The following L3MBTL4 variants were observed in gnomAD, a reference collection of about 807,000 sequenced individuals.
L3MBTL4 encodes the protein L3MBTL histone methyl-lysine binding protein 4.
Under a neutral mutation model 84.5 loss-of-function variants are expected in L3MBTL4, and 70 were observed. That is an observed-to-expected ratio of 0.83 (90% CI 0.68 to 1.01). The LOEUF (loss-of-function observed/expected upper bound fraction) is 1.01, where lower values mean the gene tolerates loss of function less well. Ranked by LOEUF, L3MBTL4 falls within the 50% of genes least tolerant of loss-of-function variation. L3MBTL4 has a pLI of 0.00. For synonymous variants in L3MBTL4, 274 were observed against 259.8 expected (o/e 1.05, Z -0.52); for missense variants, 715 against 754.8 (o/e 0.95, Z 0.62).
chr18:6,238,271 C>T (rs570571426), intron 9 of L3MBTL4, among the ~76,000 whole-genome samples: 51 of 152,332 alleles, frequency 3.3e-4, no homozygotes, highest in African/African-American at 1.1e-3. Context: ...CGGTGGCTCA[C>T]GCCTGTAATC....
chr18:6,347,968 C>CA (rs1392774575), intron 1 of L3MBTL4, among the ~76,000 whole-genome samples: 1 of 151,898 alleles, frequency 6.6e-6, no homozygotes, highest in African/African-American at 2.4e-5. Context: ...TTAATAAATA[C>CA]AAGATCCATA....
At chr18:6,323,878 G>A (rs987159983) in intron 1 of L3MBTL4, among the ~76,000 whole-genome samples, 4 of 152,190 alleles carry the variant, frequency 2.6e-5, no homozygotes, top group African/African-American at 9.6e-5. Flanking sequence ...AAGACAATAG[G>A]GAAAAGGCCC....
intron 14 of L3MBTL4, among the ~76,000 whole-genome samples, chr18:6,128,977 A>T (rs1412997147): frequency 1.3e-5 from 2 of 152,062 alleles, no homozygotes; most frequent in African/African-American, 4.8e-5. Flanking sequence ...TTTAGGTCAC[A>T]TTGTGATACA....
At chr18:5,967,101 C>T (rs1035509495) in intron 17 of L3MBTL4, among the ~76,000 whole-genome samples, 1 of 152,174 alleles carries the variant, frequency 6.6e-6, no homozygotes, top group Non-Finnish European at 1.5e-5. Context: ...AGTGACTTTC[C>T]GCATAAGAAC....
intron 13 of L3MBTL4, among the ~76,000 whole-genome samples, chr18:6,141,883 C>T (rs939014261): frequency 1.8e-4 from 27 of 152,144 alleles, no homozygotes; most frequent in Non-Finnish European, 3.2e-4. Flanking sequence ...GATGAAAACT[C>T]GAATTTTTAC....
chr18:6,317,327 G>C (rs1156890142), intron 1 of L3MBTL4, among the ~76,000 whole-genome samples: 4 of 151,680 alleles, frequency 2.6e-5, no homozygotes, highest in Middle Eastern at 3.4e-3. Flanking sequence ...CCAGAGAAAG[G>C]TGAAAACTAA....
rs184493285 is a variant in L3MBTL4, at chr18:6,015,510, C to G, written c.1445-45948G>C. 4.5e-4 allele frequency among the ~76,000 whole-genome samples: 69 copies of G among 152,230 alleles called. No individual in the cohort carries two copies. In the South Asian group the frequency reaches 4.8e-3, roughly 11 times the overall value. On this transcript the variant is annotated intron_variant, in intron 16 of 18. Coordinates refer to ENST00000317931, the MANE Select transcript of L3MBTL4 (RefSeq NM_001330559.2). Reference sequence around the variant, plus strand: ...TTTGGGGGATCTAGAACAACACTTCCTTTATGTTACATCCTCTAGGAATCT... The same window carrying G: ...TTTGGGGGATCTAGAACAACACTTCGTTTATGTTACATCCTCTAGGAATCT...
At chr18:6,331,440 T>C (rs2052028696) in intron 1 of L3MBTL4, among the ~76,000 whole-genome samples, 1 of 152,032 alleles carries the variant, frequency 6.6e-6, no homozygotes, top group Non-Finnish European at 1.5e-5. Context: ...CCCATAGCAA[T>C]ACCTCAACAA....
In L3MBTL4 at chr18:6,193,605, C is replaced by T. The variant is rs549105011; in HGVS notation, c.981+19544G>A. ...GGACGGGGCAGAGTTGAACGGTGAC[C>T]TTGCAGTCTGGGCTTCTTGATCAAA... is the stretch of plus-strand genomic sequence containing the variant. On this transcript the variant is annotated intron_variant, in intron 12 of 18. Coordinates refer to ENST00000317931, the MANE Select transcript of L3MBTL4 (RefSeq NM_001330559.2). 2.0e-5 allele frequency among the ~76,000 whole-genome samples: 3 copies of T among 152,316 alleles called. No individual in the cohort carries two copies. In the South Asian group the frequency reaches 6.2e-4, roughly 32 times the overall value.
chr18:6,097,939 T>G (rs926210026), intron 14 of L3MBTL4, among the ~76,000 whole-genome samples: 3 of 152,156 alleles, frequency 2.0e-5, no homozygotes, highest in Non-Finnish European at 4.4e-5. Context: ...TTCTATGTGC[T>G]TCTCACCCCG....
intron 3 of L3MBTL4, among the ~76,000 whole-genome samples, chr18:6,304,023 A>C (rs1006628646): frequency 1.9e-4 from 28 of 144,170 alleles, no homozygotes; most frequent in African/African-American, 6.8e-4. Context: ...TCAAAAAAAA[A>C]AAAAAACAAA....
chr18:6,084,274 T>C (rs2058182683), intron 15 of L3MBTL4, among the ~76,000 whole-genome samples: 1 of 152,294 alleles, frequency 6.6e-6, no homozygotes, highest in Admixed American at 6.5e-5. Flanking sequence ...CCACGGTCAC[T>C]TCTCTACTTA....
intron 13 of L3MBTL4, among the ~76,000 whole-genome samples, chr18:6,143,553 A>G (rs1346144349): frequency 1.3e-5 from 2 of 152,188 alleles, no homozygotes; most frequent in Non-Finnish European, 2.9e-5. Flanking sequence ...CTACCATCAA[A>G]CGAATGTTTT....
intron 1 of L3MBTL4, among the ~76,000 whole-genome samples, chr18:6,406,250 G>T (rs1048901672): frequency 6.6e-6 from 1 of 152,190 alleles, no homozygotes; most frequent in Non-Finnish European, 1.5e-5. Context: ...GGGCAAATTG[G>T]TCTTCAAACT....
chr18:6,043,797 C>G (rs1471944067), intron 16 of L3MBTL4, among the ~76,000 whole-genome samples: 1 of 152,216 alleles, frequency 6.6e-6, no homozygotes, highest in Non-Finnish European at 1.5e-5. Context: ...AGCTCCAATA[C>G]TTGTGCTCTT....
intron 12 of L3MBTL4, among the ~76,000 whole-genome samples, chr18:6,183,497 C>T (rs192887018): frequency 1.4e-3 from 215 of 152,294 alleles, no homozygotes; most frequent in Non-Finnish European, 2.1e-3. Context: ...CCTTTTCAGG[C>T]GACATTGTTT....
intron 14 of L3MBTL4, among the ~76,000 whole-genome samples, chr18:6,114,445 T>C (rs2059295723): frequency 6.6e-6 from 1 of 152,228 alleles, no homozygotes; most frequent in Non-Finnish European, 1.5e-5. Context: ...TGTTCTTTTG[T>C]ATTAAGTTAT....
rs975098922 is a variant in L3MBTL4, at chr18:6,414,529, C to G, written c.-91+272G>C. On this transcript the variant is annotated intron_variant, in intron 1 of 18. Transcript: ENST00000317931. This position sits in a 1 kb window ranked among gnomAD's most constrained non-coding sequence, Gnocchi z 5.4. Reference sequence around the variant, plus strand: ...CTGACCGAGGCGCCGGGCTCTGCGGCGGCCGCGCCCGTCCAAAGTAGGCGA... The same window carrying G: ...CTGACCGAGGCGCCGGGCTCTGCGGGGGCCGCGCCCGTCCAAAGTAGGCGA... 1.3e-5 allele frequency among the ~76,000 whole-genome samples: 2 copies of G among 151,938 alleles called. No homozygotes were observed. Among genetic ancestry groups the G allele is most frequent in the African/African-American group, 4.8e-5 (2 of 41,384 alleles).
At chr18:5,989,244 T>G (rs528025737) in intron 16 of L3MBTL4, among the ~76,000 whole-genome samples, 1 of 152,262 alleles carries the variant, frequency 6.6e-6, no homozygotes, top group Admixed American at 6.5e-5. Flanking sequence ...AATTAAAAAT[T>G]TATCAAAACT....
Sources: allele counts gnomAD v4.1 joint callset (sites outside exome capture counted in the v4.1 genomes callset), GRCh38; gene constraint gnomAD v4.1.1; non-coding constraint Gnocchi (gnomAD v3.1); transcripts MANE v1.5; gene names NCBI Gene and HGNC (gene_info 2026-07-23, HGNC 2026-07-21).